The following SCFD1 variants were observed in gnomAD, a reference collection of about 807,000 sequenced individuals.
The protein encoded by SCFD1 is sec1 family domain-containing protein 1.
SCFD1 carries 37 observed loss-of-function variants against 103.2 expected under a neutral mutation model. The ratio of observed to expected loss-of-function variants is 0.36; its 90% CI spans 0.28 to 0.47. The LOEUF is 0.47. Ranked by LOEUF, SCFD1 falls within the 20% of genes least tolerant of loss-of-function variation. SCFD1 has a pLI of 1.00. For synonymous variants in SCFD1, 264 were observed against 245.0 expected (o/e 1.08, Z -0.73); for missense variants, 639 against 761.2 (o/e 0.84, Z 1.89).
chr14:30,673,278 A>G lies in SCFD1; in HGVS notation c.1017A>G (p.Glu339=), dbSNP rs758637187. 10 of 1,595,638 alleles carry G rather than the reference A, an allele frequency of 6.3e-6. No individual in the cohort carries two copies. The highest frequency in any genetic ancestry group is 8.6e-6 in the Non-Finnish European group (10 of 1,169,446). ...HKGSPFPEVA[E]SVQQELESYR... ...TTAGTCCATTCCCAGAAGTTGCAGA[A>G]TCAGTTCAGCAAGAACTAGAATCTT... The change falls in exon 12 of 25, where the codon GAA becomes GAG. Residue 339 remains glutamate, a synonymous_variant. Transcript: ENST00000458591.
rs58612669 is a variant in SCFD1, at chr14:30,724,245, G to GTTTTTTTT, written c.1836+1706_1836+1713dup. On this transcript the variant is annotated intron_variant, in intron 23 of 24. Transcript: ENST00000458591. ...ATGTCCTTTGCCCACTTTTTTATGGGTTTTTTTTTTTTTTTTTTTTTTTTT... is the reference window on the plus strand; with the variant it reads ...ATGTCCTTTGCCCACTTTTTTATGGGTTTTTTTTTTTTTTTTTTTTTTTTTTTTTTTTT... 8.8e-4 allele frequency among the ~76,000 whole-genome samples: 61 copies of GTTTTTTTT among 69,678 alleles called. 4 individuals carry two copies. Among genetic ancestry groups the GTTTTTTTT allele is most frequent in the African/African-American group, 4.0e-3 (59 of 14,592 alleles). The allele number at this position is 69,678 out of a possible 152,430, so 45.7% of individuals were successfully genotyped here. A position where few individuals can be genotyped will look rare whatever the true frequency, so the allele number is the denominator to read the frequency against.
chr14:30,699,668 A>T (rs1890941890), intron 15 of SCFD1, among the ~76,000 whole-genome samples: 1 of 152,162 alleles, frequency 6.6e-6, no homozygotes. Context: ...AAACATGTGT[A>T]TTTAGGGGCC....
At chr14:30,664,032 T>A (rs921447433) in intron 10 of SCFD1, among the ~76,000 whole-genome samples, 1 of 152,154 alleles carries the variant, frequency 6.6e-6, no homozygotes, top group Non-Finnish European at 1.5e-5. Flanking sequence ...GTGGTTCTCC[T>A]AGCATGGTGT....
chr14:30,732,905 G>T (rs962159735), intron 23 of SCFD1, among the ~76,000 whole-genome samples: 1 of 152,028 alleles, frequency 6.6e-6, no homozygotes, highest in African/African-American at 2.4e-5. Context: ...AAAACCACAA[G>T]GTATTCTCTT....
In SCFD1 at chr14:30,679,522, A is replaced by G. The variant is rs1051017003; in HGVS notation, c.1242+4457A>G. ...ACCTGGAAATCATAGGTGATTTCTG[A>G]TAGGTGTGCTTTATGCAAGAAAGAA... On this transcript the variant is annotated intron_variant, in intron 14 of 24. Transcript: ENST00000458591. Among the ~76,000 whole-genome samples the G allele has an allele frequency of 3.1e-4, 47 of 152,144 alleles. 1 individual carries two copies. The highest frequency in any genetic ancestry group is 3.1e-3 in the Admixed American group (47 of 15,280).
At chr14:30,707,621 T>C (rs1259369629) in intron 18 of SCFD1, among the ~76,000 whole-genome samples, 4 of 152,168 alleles carry the variant, frequency 2.6e-5, no homozygotes, top group Non-Finnish European at 5.9e-5. Context: ...TAGCTTTAAA[T>C]TGGTTTTTTT....
intron 23 of SCFD1, among the ~76,000 whole-genome samples, chr14:30,723,083 A>G (rs1039500135): frequency 6.6e-6 from 1 of 152,224 alleles, no homozygotes; most frequent in Non-Finnish European, 1.5e-5. Flanking sequence ...GAGGAAAAAC[A>G]CTATTTAAAA....
chr14:30,652,848 A>G (rs933141785), intron 9 of SCFD1, among the ~76,000 whole-genome samples: 1 of 152,078 alleles, frequency 6.6e-6, no homozygotes, highest in Non-Finnish European at 1.5e-5. Context: ...GTCTCTAAAA[A>G]AAATTTAAAA....
intron 9 of SCFD1, among the ~76,000 whole-genome samples, chr14:30,650,978 A>T (rs764947398): frequency 1.3e-5 from 2 of 152,116 alleles, no homozygotes; most frequent in South Asian, 4.1e-4. Flanking sequence ...TGTGATACTT[A>T]TATCTGTTTC....
At chr14:30,728,783 T>A (rs141551312) in intron 23 of SCFD1, among the ~76,000 whole-genome samples, 2,530 of 152,114 alleles carry the variant, frequency 0.017, 37 homozygotes, top group South Asian at 0.03. Flanking sequence ...TCTTTTCACA[T>A]GTGTATTGGC....
intron 21 of SCFD1, among the ~76,000 whole-genome samples, chr14:30,720,766 A>G (rs1046693314): frequency 1.7e-4 from 26 of 152,290 alleles, no homozygotes; most frequent in Admixed American, 3.9e-4. Flanking sequence ...ATATGCAAAC[A>G]CTACACCATT....
rs1333493366 is a variant in SCFD1 at position 30,670,391 on chromosome 14, G to A, written c.991G>A (p.Gly331Arg). The change falls in exon 11 of 25, where the codon GGA becomes AGA. Residue 331 changes from glycine to arginine, a missense_variant. Coordinates refer to ENST00000458591, the MANE Select transcript of SCFD1 (RefSeq NM_016106.4). ...TGATAAATTTTGGCAAAAACATAAA[G>A]GAAGGTAAGCAAAATATCAATAAGT... ...PVDKFWQKHK[G>R]SPFPEVAESV... The A allele has an allele frequency of 6.5e-7, 1 of 1,543,984 alleles. No homozygotes were observed. The highest frequency in any genetic ancestry group is 1.2e-5 in the South Asian group (1 of 80,348).
intron 10 of SCFD1, among the ~76,000 whole-genome samples, chr14:30,661,710 C>T (rs1887467435): frequency 6.6e-6 from 1 of 152,138 alleles, no homozygotes. Flanking sequence ...AAATGTTGAA[C>T]AGAAACTGGT....
chr14:30,723,914 C>G (rs1892829523), intron 23 of SCFD1, among the ~76,000 whole-genome samples: 1 of 151,830 alleles, frequency 6.6e-6, no homozygotes, highest in South Asian at 2.1e-4. Context: ...GGTATATACC[C>G]AGTAATGGGA....
intron 14 of SCFD1, among the ~76,000 whole-genome samples, chr14:30,682,247 A>G (rs949131092): frequency 1.3e-5 from 2 of 152,226 alleles, no homozygotes; most frequent in Non-Finnish European, 2.9e-5. Context: ...CCTTGATAGT[A>G]TACTGTCCCA....
chr14:30,728,994 A>G (rs989647178), intron 23 of SCFD1, among the ~76,000 whole-genome samples: 4 of 152,010 alleles, frequency 2.6e-5, no homozygotes, highest in Non-Finnish European at 4.4e-5. Context: ...ACAGGTGCAC[A>G]CCACCATCAT....
chr14:30,718,207 G>A (rs1259421339), intron 20 of SCFD1, among the ~76,000 whole-genome samples: 4 of 152,152 alleles, frequency 2.6e-5, no homozygotes, highest in East Asian at 1.9e-4. Flanking sequence ...GACTTCCCAC[G>A]TCACACTACT....
At chr14:30,638,827 G>A (rs138581668) in intron 5 of SCFD1, among the ~76,000 whole-genome samples, 1 of 152,252 alleles carries the variant, frequency 6.6e-6, no homozygotes, top group Non-Finnish European at 1.5e-5. Context: ...ATCCTGTAAT[G>A]CTCTGTGTTT....
chr14:30,707,267 T>C (rs1891532566), intron 18 of SCFD1, among the ~76,000 whole-genome samples: 2 of 152,200 alleles, frequency 1.3e-5, no homozygotes, highest in East Asian at 3.8e-4. Flanking sequence ...TAATGCAGGA[T>C]TACTAATCTG....
Sources: allele counts gnomAD v4.1 joint callset (sites outside exome capture counted in the v4.1 genomes callset), GRCh38; gene constraint gnomAD v4.1.1; transcripts MANE v1.5; gene names NCBI Gene and HGNC (gene_info 2026-07-23, HGNC 2026-07-21).